The following GSTCD variants were observed in gnomAD, a reference collection of about 807,000 sequenced individuals.
The protein encoded by GSTCD is glutathione S-transferase C-terminal domain containing, also known as glutathione S-transferase C-terminal domain-containing protein.
GSTCD carries 44 observed loss-of-function variants against 68.3 expected under a neutral mutation model. The ratio of observed to expected loss-of-function variants is 0.64; its 90% CI spans 0.51 to 0.83. The LOEUF (loss-of-function observed/expected upper bound fraction) is 0.83, where lower values mean the gene tolerates loss of function less well. GSTCD is among the 40% of genes least tolerant of loss of function. GSTCD has a pLI of 0.00. For missense variants in GSTCD, 739 were observed against 735.9 expected (o/e 1.00, Z -0.05); for synonymous variants, 273 against 255.2 (o/e 1.07, Z -0.67).
chr4:105,845,412 T>A, intron 11 of GSTCD, 29 bp from the exon 12 acceptor site: 1 of 1,613,460 alleles, frequency 6.2e-7, no homozygotes, highest in Non-Finnish European at 8.5e-7. Flanking sequence ...TGAAAGGGTG[T>A]CTCATGATAC....
At chr4:105,762,210 G>A (rs1734437081) in intron 5 of GSTCD, among the ~76,000 whole-genome samples, 1 of 152,200 alleles carries the variant, frequency 6.6e-6, no homozygotes, top group Non-Finnish European at 1.5e-5. Context: ...CACCCTAACT[G>A]AAGGAGGCAT....
intron 5 of GSTCD, among the ~76,000 whole-genome samples, chr4:105,769,233 G>GCACACACA (rs57039503): frequency 6.2e-4 from 91 of 146,338 alleles, no homozygotes; most frequent in African/African-American, 2.1e-3. Context: ...ATACACGCGC[G>GCACACACA]CACACACACA....
intron 5 of GSTCD, among the ~76,000 whole-genome samples, chr4:105,780,914 C>T (rs1735251543): frequency 6.6e-6 from 1 of 151,996 alleles, no homozygotes; most frequent in Non-Finnish European, 1.5e-5. Context: ...TAGAAAAATT[C>T]CAGGGAGGCA....
At chr4:105,740,745 G>A (rs1733605821) in intron 5 of GSTCD, among the ~76,000 whole-genome samples, 1 of 152,024 alleles carries the variant, frequency 6.6e-6, no homozygotes, top group Admixed American at 6.5e-5. Flanking sequence ...CTGCTTTCAG[G>A]TAGTGATTTT....
At chr4:105,743,711 T>G (rs968775306) in intron 5 of GSTCD, among the ~76,000 whole-genome samples, 1 of 138,640 alleles carries the variant, frequency 7.2e-6, no homozygotes, top group African/African-American at 2.8e-5. Flanking sequence ...CAGGCTGGAG[T>G]GCGGTGGCAC....
intron 5 of GSTCD, among the ~76,000 whole-genome samples, chr4:105,768,038 ATT>A (rs753624063): frequency 1.5e-5 from 2 of 135,818 alleles, no homozygotes; most frequent in Non-Finnish European, 1.7e-5. Flanking sequence ...TAAAAAAAAA[ATT>A]TTTTTTTTTT....
chr4:105,832,629 G>A (rs1051296210), intron 8 of GSTCD, among the ~76,000 whole-genome samples: 8 of 152,136 alleles, frequency 5.3e-5, no homozygotes, highest in Non-Finnish European at 1.0e-4. Flanking sequence ...CTGTTTTGTT[G>A]TGGGCAAGTT....
intron 5 of GSTCD, among the ~76,000 whole-genome samples, chr4:105,736,431 C>G (rs1256932099): frequency 6.6e-6 from 1 of 151,902 alleles, no homozygotes; most frequent in Admixed American, 6.6e-5. Flanking sequence ...CTTCAGATTT[C>G]TTTAAAAAAT....
intron 10 of GSTCD, chr4:105,840,130 C>T (rs1278764008): frequency 1.8e-5 from 8 of 441,768 alleles, no homozygotes; most frequent in African/African-American, 1.2e-4. Context: ...AGAGAACATA[C>T]ACACAAATAA....
chr4:105,715,393 CAG>C (rs1313315004), intron 1 of GSTCD, among the ~76,000 whole-genome samples: 2 of 151,908 alleles, frequency 1.3e-5, no homozygotes, highest in African/African-American at 4.8e-5. Flanking sequence ...AAAATAAGCT[CAG>C]GGAGAAAATG....
At chr4:105,797,760 C>CTTTTTTTTTTTTTTTTTTTT (rs70941218) in intron 5 of GSTCD, among the ~76,000 whole-genome samples, 2 of 84,952 alleles carry the variant, frequency 2.4e-5, no homozygotes, top group African/African-American at 9.5e-5. Context: ...CACAATAGAA[C>CTTTTTTTTTTTTTTTTTTTT]TTTTTTTTTT....
At chr4:105,758,355 G>A (rs903526440) in intron 5 of GSTCD, among the ~76,000 whole-genome samples, 1 of 152,092 alleles carries the variant, frequency 6.6e-6, no homozygotes, top group Non-Finnish European at 1.5e-5. Flanking sequence ...TGGAGGTGGG[G>A]CCTGGTGGGA....
At chr4:105,754,599 T>A (rs1734117783) in intron 5 of GSTCD, among the ~76,000 whole-genome samples, 1 of 152,164 alleles carries the variant, frequency 6.6e-6, no homozygotes, top group Admixed American at 6.5e-5. Flanking sequence ...CAGCAAATAT[T>A]TTCTAAAACT....
intron 1 of GSTCD, among the ~76,000 whole-genome samples, chr4:105,716,208 A>G (rs1732675124): frequency 6.6e-6 from 1 of 152,240 alleles, no homozygotes; most frequent in African/African-American, 2.4e-5. Context: ...AATAAGCGCT[A>G]GGAAGAAAAA....
In GSTCD at chr4:105,719,432, G is replaced by C. The variant is rs771141010; in HGVS notation, c.799G>C (p.Ala267Pro). Reference protein sequence around the residue: ...REPSHIRKAKASDLPPLEHVF... With the variant: ...REPSHIRKAKPSDLPPLEHVF... The stretch of plus-strand genomic sequence containing the variant: ...GCCTTCTCACATCAGAAAAGCAAAA[G>C]CCTCCGACCTTCCACCTCTGGAGCA... The change falls in exon 3 of 12, where the codon GCC (alanine) becomes CCC (proline). Residue 267 changes from alanine (A) to proline (P), a missense_variant. Coordinates refer to ENST00000515279, the MANE Select transcript of GSTCD (RefSeq NM_001370181.1). The C allele has an allele frequency of 6.2e-7, 1 of 1,614,008 alleles. No individual in the cohort carries two copies. Among genetic ancestry groups the C allele is most frequent in the Non-Finnish European group, 8.5e-7 (1 of 1,179,968 alleles).
chr4:105,756,758 TTG>T (rs1030222201), intron 5 of GSTCD, among the ~76,000 whole-genome samples: 5 of 151,888 alleles, frequency 3.3e-5, no homozygotes, highest in African/African-American at 4.8e-5. Context: ...GACAGAGTAA[TTG>T]TGGAAATTCA....
In GSTCD at chr4:105,729,393, T is replaced by TC. The variant is rs1184848758; in HGVS notation, c.1147-13_1147-12insC. On this transcript the variant is annotated splice_polypyrimidine_tract_variant and intron_variant, in intron 4 of 11. Transcript: ENST00000515279. ...AATTCCTTAATTTAGAAAGAGGCTA[T>TC]TTCCTTTTCTAGGAAAAGGGCATTG... is the stretch of plus-strand genomic sequence containing the variant. 4.5e-6 allele frequency: 7 copies of TC among 1,553,374 alleles called. No individual in the cohort carries two copies. Among genetic ancestry groups the TC allele is most frequent in the Non-Finnish European group, 3.5e-6 (4 of 1,130,898 alleles).
At chr4:105,737,995 C>G (rs938849603) in intron 5 of GSTCD, among the ~76,000 whole-genome samples, 3 of 152,178 alleles carry the variant, frequency 2.0e-5, no homozygotes, top group African/African-American at 7.2e-5. Flanking sequence ...CCTCTACTCT[C>G]TCTCTCTTGC....
intron 5 of GSTCD, among the ~76,000 whole-genome samples, chr4:105,736,548 CAA>C (rs1220427112): frequency 6.6e-6 from 1 of 152,134 alleles, no homozygotes; most frequent in Non-Finnish European, 1.5e-5. Context: ...GCATAATGAT[CAA>C]GTTAGTGTAA....
Sources: allele counts gnomAD v4.1 joint callset (sites outside exome capture counted in the v4.1 genomes callset), GRCh38; gene constraint gnomAD v4.1.1; transcripts MANE v1.5; gene names NCBI Gene and HGNC (gene_info 2026-07-23, HGNC 2026-07-21).